MARCHF1: variants seen among roughly 807,000 people sequenced by gnomAD.
MARCHF1 encodes E3 ubiquitin-protein ligase MARCHF1.
MARCHF1 carries 40 observed loss-of-function variants against 54.2 expected under a neutral mutation model. The ratio of observed to expected loss-of-function variants is 0.74; its 90% CI spans 0.57 to 0.96. The LOEUF is 0.96. Ranked by LOEUF, MARCHF1 falls within the 40% of genes least tolerant of loss-of-function variation. MARCHF1 has a pLI of 0.00. For missense variants in MARCHF1, 586 were observed against 656.5 expected (o/e 0.89, Z 1.17); for synonymous variants, 236 against 236.3 (o/e 1.00, Z 0.01).
intron 3 of MARCHF1, among the ~76,000 whole-genome samples, chr4:163,913,497 T>A (rs1198935797): frequency 6.6e-6 from 1 of 152,258 alleles, no homozygotes; most frequent in African/African-American, 2.4e-5. Context: ...ACAGTTGCTA[T>A]TTTCCCTACA....
intron 1 of MARCHF1, among the ~76,000 whole-genome samples, chr4:164,169,845 A>G (rs1730477029): frequency 6.6e-6 from 1 of 152,106 alleles, no homozygotes; most frequent in East Asian, 1.9e-4. Context: ...CTCACTTTAT[A>G]CCTTATATAT....
intron 1 of MARCHF1, among the ~76,000 whole-genome samples, chr4:164,344,395 T>C (rs1730015992): frequency 1.3e-5 from 2 of 152,160 alleles, no homozygotes; most frequent in African/African-American, 4.8e-5. Flanking sequence ...AAAATAAGTC[T>C]GTTTATTGAT....
chr4:163,801,923 A>G (rs1748094045), intron 4 of MARCHF1, among the ~76,000 whole-genome samples: 1 of 151,984 alleles, frequency 6.6e-6, no homozygotes, highest in Non-Finnish European at 1.5e-5. Context: ...TTCACCCAAG[A>G]GAGAAATTTT....
intron 4 of MARCHF1, among the ~76,000 whole-genome samples, chr4:163,740,947 TC>T (rs1485573949): frequency 6.6e-6 from 1 of 152,186 alleles, no homozygotes; most frequent in East Asian, 1.9e-4. Flanking sequence ...AATATGGACC[TC>T]TCCTTTCTTC....
chr4:163,556,577 T>C (rs1446468068), intron 8 of MARCHF1, among the ~76,000 whole-genome samples: 2 of 151,760 alleles, frequency 1.3e-5, no homozygotes, highest in Non-Finnish European at 2.9e-5. Context: ...CTCGAGAGTC[T>C]CTTAGCCACA....
At chr4:163,664,445 A>T (rs536217657) in intron 5 of MARCHF1, among the ~76,000 whole-genome samples, 7 of 152,116 alleles carry the variant, frequency 4.6e-5, no homozygotes, top group Non-Finnish European at 8.8e-5. Flanking sequence ...ATGCTTAAAT[A>T]TAAAAGAGAT....
At chr4:163,652,490 T>C (rs1279166401) in intron 5 of MARCHF1, among the ~76,000 whole-genome samples, 2 of 151,858 alleles carry the variant, frequency 1.3e-5, no homozygotes, top group East Asian at 1.9e-4. Context: ...GACTGTGATG[T>C]CTCTCCTCCA....
In MARCHF1 at chr4:164,329,386, G is replaced by T. The variant is rs569136274; in HGVS notation, c.-323+54484C>A. ...CATGTGATTTAAAAATAAAAAGGGA[G>T]AAATAAAGAAAAAAGGAAGAAAGAA... On this transcript the variant is annotated intron_variant, in intron 1 of 9. Coordinates refer to ENST00000514618, the MANE Select transcript of MARCHF1 (RefSeq NM_001394959.1). Among the ~76,000 whole-genome samples, 8 of 149,372 alleles carry T rather than the reference G, an allele frequency of 5.4e-5. No homozygotes were observed. In the South Asian group the frequency reaches 1.7e-3, roughly 32 times the overall value.
intron 1 of MARCHF1, among the ~76,000 whole-genome samples, chr4:164,199,632 T>TCACACA (rs376565727): frequency 4.0e-4 from 46 of 114,846 alleles, no homozygotes; most frequent in East Asian, 1.2e-3. Context: ...CAGGACTCTG[T>TCACACA]CACACACACA....
intron 3 of MARCHF1, among the ~76,000 whole-genome samples, chr4:163,901,726 G>A (rs1750945332): frequency 6.6e-6 from 1 of 152,104 alleles, no homozygotes; most frequent in Non-Finnish European, 1.5e-5. Flanking sequence ...GTGTTCTATT[G>A]CAGATATTCA....
At chr4:163,588,695 C>A (rs933771978) in intron 7 of MARCHF1, among the ~76,000 whole-genome samples, 1 of 152,134 alleles carries the variant, frequency 6.6e-6, no homozygotes, top group Non-Finnish European at 1.5e-5. Context: ...GTCTCACCCA[C>A]TGGTTTATCT....
rs1037471675 is a variant in MARCHF1, at chr4:163,525,341, A to T, written c.*3407T>A. 1 of 152,156 alleles carries T rather than the reference A, an allele frequency of 6.6e-6. No individual in the cohort carries two copies. Among genetic ancestry groups the T allele is most frequent in the Admixed American group, 6.6e-5 (1 of 15,248 alleles). 9.4% of individuals were successfully genotyped at this position (152,156 alleles called of 1,614,324 possible). A position where few individuals can be genotyped will look rare whatever the true frequency, so the allele number is the denominator to read the frequency against. ...ACCATGAGGTCGTCTGTCTGGGACT[A>T]TAATCACGTGTAGAAGCAGCGCAGA... On this transcript the variant is annotated 3_prime_UTR_variant, in exon 10 of 10. Transcript: ENST00000514618.
intron 3 of MARCHF1, among the ~76,000 whole-genome samples, chr4:163,941,878 G>T (rs1303502069): frequency 6.6e-6 from 1 of 152,110 alleles, no homozygotes. Flanking sequence ...ACTTTAAAGA[G>T]TGTCAGCTTA....
At chr4:163,656,324 T>G (rs1396200557) in intron 5 of MARCHF1, among the ~76,000 whole-genome samples, 1 of 152,022 alleles carries the variant, frequency 6.6e-6, no homozygotes, top group African/African-American at 2.4e-5. Flanking sequence ...AATAAATTCC[T>G]AGACACATAT....
intron 3 of MARCHF1, among the ~76,000 whole-genome samples, chr4:163,926,302 C>T (rs1415965202): frequency 1.3e-5 from 2 of 151,662 alleles, no homozygotes; most frequent in Non-Finnish European, 3.0e-5. Flanking sequence ...CTGTAAGATT[C>T]ATCCACATTT....
chr4:163,620,610 G>C (rs879257699), intron 5 of MARCHF1, among the ~76,000 whole-genome samples: 3,294 of 49,190 alleles, frequency 0.067, 60 homozygotes, highest in African/African-American at 0.17. Flanking sequence ...CACACACAGA[G>C]AGAGAGAGAG....
intron 4 of MARCHF1, among the ~76,000 whole-genome samples, chr4:163,780,826 A>T (rs1329275894): frequency 6.6e-6 from 1 of 152,216 alleles, no homozygotes; most frequent in Non-Finnish European, 1.5e-5. Flanking sequence ...GCATACGCCC[A>T]CAGCAGTGTC....
intron 9 of MARCHF1, among the ~76,000 whole-genome samples, chr4:163,532,079 T>C (rs1293013864): frequency 6.6e-6 from 1 of 151,904 alleles, no homozygotes; most frequent in Non-Finnish European, 1.5e-5. Context: ...AGTTATTTTA[T>C]GGATATTGAC....
chr4:164,189,024 G>T, intron 1 of MARCHF1: 1 of 693,946 alleles, frequency 1.4e-6, no homozygotes, highest in South Asian at 1.6e-5. Flanking sequence ...AAGAGGGAGG[G>T]GGAGAAGACA....
Sources: allele counts gnomAD v4.1 joint callset (sites outside exome capture counted in the v4.1 genomes callset), GRCh38; gene constraint gnomAD v4.1.1; transcripts MANE v1.5; gene names NCBI Gene and HGNC (gene_info 2026-07-23, HGNC 2026-07-21).